FBXL13: variants seen among roughly 807,000 people sequenced by gnomAD.
The protein encoded by FBXL13 is F-box and leucine rich repeat protein 13.
FBXL13 carries 67 observed loss-of-function variants against 83.6 expected under a neutral mutation model. That is an observed-to-expected ratio of 0.80 (90% CI 0.66 to 0.98). The LOEUF is 0.98. Ranked by LOEUF, FBXL13 falls within the 50% of genes least tolerant of loss-of-function variation. The probability of loss-of-function intolerance (pLI) is 0.00; values close to 1 mark genes in which losing one functional copy is unlikely to be tolerated. For synonymous variants in FBXL13, 272 were observed against 299.5 expected, an observed-to-expected ratio of 0.91 and a Z score of 0.95; for missense variants, 822 against 866.5, an observed-to-expected ratio of 0.95 and a Z score of 0.64.
chr7:102,977,607 G>A (rs891641232), intron 6 of FBXL13, among the ~76,000 whole-genome samples: 7 of 152,234 alleles, frequency 4.6e-5, no homozygotes, highest in Admixed American at 2.0e-4. Flanking sequence ...TTATCCCACT[G>A]ATAATAAAAG....
At chr7:102,857,917 A>T (rs578237899) in intron 16 of FBXL13, among the ~76,000 whole-genome samples, 1 of 152,180 alleles carries the variant, frequency 6.6e-6, no homozygotes, top group Non-Finnish European at 1.5e-5. Context: ...TAAAAACAGA[A>T]CTATCATATG....
chr7:103,033,426 C>A, intron 2 of FBXL13, among the ~76,000 whole-genome samples: 1 of 152,200 alleles, frequency 6.6e-6, no homozygotes, highest in Non-Finnish European at 1.5e-5. Context: ...AAGAATGAAG[C>A]CGCGGACCCT....
At chr7:102,816,852 T>C (rs1207609214) in intron 19 of FBXL13, among the ~76,000 whole-genome samples, 2 of 152,254 alleles carry the variant, frequency 1.3e-5, no homozygotes, top group East Asian at 3.8e-4. Flanking sequence ...AGTGAGAACA[T>C]GCAGTATTTG....
chr7:102,833,082 T>C, intron 17 of FBXL13, 108 bp from the exon 19 acceptor site: 3 of 1,138,224 alleles, frequency 2.6e-6, no homozygotes, highest in Non-Finnish European at 3.7e-6. Context: ...ATACAGATGT[T>C]AGATCTTGAT....
chr7:103,073,006 T>C (rs548624804), intron 1 of FBXL13, among the ~76,000 whole-genome samples: 4 of 152,300 alleles, frequency 2.6e-5, no homozygotes, highest in East Asian at 3.9e-4. Context: ...ACCGGGAAGA[T>C]GGGTACCATT....
chr7:102,843,778 T>TA (rs1181103434), intron 17 of FBXL13, among the ~76,000 whole-genome samples: 3 of 151,586 alleles, frequency 2.0e-5, no homozygotes, highest in South Asian at 2.1e-4. Flanking sequence ...TCCGTCTTAA[T>TA]AAAAAAAATA....
At chr7:103,070,467 C>T (rs1055613253) in intron 1 of FBXL13, among the ~76,000 whole-genome samples, 5 of 152,136 alleles carry the variant, frequency 3.3e-5, no homozygotes, top group South Asian at 2.1e-4. Context: ...CCACCCACCT[C>T]GGCCTCCCAA....
intron 11 of FBXL13, among the ~76,000 whole-genome samples, chr7:102,887,899 T>C (rs1811011511): frequency 6.6e-6 from 1 of 152,158 alleles, no homozygotes; most frequent in African/African-American, 2.4e-5. Flanking sequence ...GAAGAGTGGA[T>C]AGTTTTCAAA....
At chr7:102,952,843 GT>G (rs1823625251) in intron 8 of FBXL13, among the ~76,000 whole-genome samples, 1 of 152,088 alleles carries the variant, frequency 6.6e-6, no homozygotes, top group Non-Finnish European at 1.5e-5. Context: ...AATTAGCTGG[GT>G]GTGGTGGCAC....
At chr7:103,025,408 C>T (rs973546868) in intron 5 of FBXL13, among the ~76,000 whole-genome samples, 178 bp from the exon 7 acceptor site, 2 of 152,118 alleles carry the variant, frequency 1.3e-5, no homozygotes, top group East Asian at 3.9e-4. Flanking sequence ...TCTAAACCAC[C>T]GAAGTATTAC....
At chr7:102,942,428 A>G in intron 8 of FBXL13, 1 of 1,224,204 alleles carries the variant, frequency 8.2e-7, no homozygotes, top group Non-Finnish European at 1.1e-6. Flanking sequence ...GTTGTGGAAA[A>G]GAGAAAGAAG....
At chr7:102,974,006 T>A (rs141026908) in intron 6 of FBXL13, among the ~76,000 whole-genome samples, 34 of 152,260 alleles carry the variant, frequency 2.2e-4, no homozygotes, top group African/African-American at 7.7e-4. Flanking sequence ...GATGGTCTCC[T>A]TTTTCCCTGT....
chr7:102,813,563 G>T (rs371289543), intron 19 of FBXL13, 32 bp from the exon 21 acceptor site: 411 of 1,598,622 alleles, frequency 2.6e-4, no homozygotes, highest in Non-Finnish European at 3.3e-4. Flanking sequence ...TTAGCTAGTT[G>T]CAGAAGTAAC....
intron 8 of FBXL13, among the ~76,000 whole-genome samples, chr7:102,959,660 T>C (rs1336271095): frequency 1.3e-5 from 2 of 152,048 alleles, no homozygotes; most frequent in Admixed American, 1.3e-4. Flanking sequence ...AAATATATTG[T>C]TTATTTCATT....
chr7:103,069,006 G>T (rs1798660233), intron 1 of FBXL13, among the ~76,000 whole-genome samples: 1 of 152,218 alleles, frequency 6.6e-6, no homozygotes, highest in Non-Finnish European at 1.5e-5. Context: ...CCCACCATCT[G>T]GGAAGTGAGG....
intron 6 of FBXL13, chr7:102,973,792 G>C (rs1442522582): frequency 2.7e-6 from 2 of 749,958 alleles, no homozygotes; most frequent in South Asian, 1.4e-5. Context: ...CGGGAGCCCG[G>C]TTAACAAGGA....
intron 17 of FBXL13, among the ~76,000 whole-genome samples, chr7:102,834,078 AAGG>A (rs1801263164): frequency 2.7e-5 from 3 of 112,842 alleles, no homozygotes; most frequent in African/African-American, 8.5e-5. Flanking sequence ...GGAAGGAAGG[AAGG>A]AAAGAAAAGA....
chr7:103,073,522 C>T (rs898627604), intron 1 of FBXL13, among the ~76,000 whole-genome samples: 21 of 152,048 alleles, frequency 1.4e-4, no homozygotes, highest in Non-Finnish European at 2.1e-4. Flanking sequence ...TCTTGGAGGA[C>T]ATTTCTTCTT....
At chr7:103,072,409 T>C (rs973304165) in intron 1 of FBXL13, among the ~76,000 whole-genome samples, 43 of 152,248 alleles carry the variant, frequency 2.8e-4, no homozygotes, top group African/African-American at 9.4e-4. Context: ...TCTTAGACAA[T>C]GGAGAATGCA....
Sources: gnomAD v4.1 joint callset for allele counts (sites outside exome capture counted in the v4.1 genomes callset) on GRCh38, gnomAD v4.1.1 for gene constraint, MANE v1.5 for transcripts, NCBI Gene and HGNC (gene_info 2026-07-23, HGNC 2026-07-21) for gene names.